The following BMPER variants were observed in gnomAD, a reference collection of about 807,000 sequenced individuals.
BMPER encodes the protein BMP binding endothelial regulator.
Under a neutral mutation model 87.3 loss-of-function variants are expected in BMPER, and 45 were observed. The ratio of observed to expected loss-of-function variants is 0.52; its 90% confidence interval spans 0.41 to 0.66. The LOEUF (loss-of-function observed/expected upper bound fraction) is 0.66. Ranked by LOEUF, BMPER falls within the 30% of genes least tolerant of loss-of-function variation. The pLI is 0.00. For synonymous variants in BMPER, 326 were observed against 316.2 expected (o/e 1.03, Z -0.33); for missense variants, 784 against 867.5 (o/e 0.90, Z 1.21).
chr7:34,152,295 T>C (rs1791196474), intron 14 of BMPER, among the ~76,000 whole-genome samples: 1 of 152,212 alleles, frequency 6.6e-6, no homozygotes, highest in South Asian at 2.1e-4. Flanking sequence ...TCTTGAGGAA[T>C]GAGGGGCGGC....
chr7:33,990,004 T>G (rs543105658), intron 6 of BMPER, among the ~76,000 whole-genome samples: 43 of 152,158 alleles, frequency 2.8e-4, no homozygotes, highest in African/African-American at 9.9e-4. Flanking sequence ...TACCATGCTG[T>G]TTTGGTTACT....
At chr7:33,989,741 G>C (rs1057051525) in intron 6 of BMPER, among the ~76,000 whole-genome samples, 37 of 152,088 alleles carry the variant, frequency 2.4e-4, no homozygotes, top group Non-Finnish European at 4.4e-4. Context: ...GGGTTTTTAT[G>C]GTTTTAGGTC....
intron 12 of BMPER, 102 bp downstream of exon 12, chr7:34,079,288 G>A: frequency 2.0e-6 from 3 of 1,487,316 alleles, no homozygotes; most frequent in Non-Finnish European, 1.8e-6. Flanking sequence ...TTCCTCCTCC[G>A]AGCAAAAACC....
chr7:34,133,729 C>T (rs553211101), intron 13 of BMPER, among the ~76,000 whole-genome samples: 1 of 152,202 alleles, frequency 6.6e-6, no homozygotes, highest in East Asian at 1.9e-4. Flanking sequence ...ACGCTAACTC[C>T]AGTAGATAGT....
chr7:34,013,419 G>A (rs763238705), intron 6 of BMPER, among the ~76,000 whole-genome samples: 1 of 150,828 alleles, frequency 6.6e-6, no homozygotes, highest in Admixed American at 6.7e-5. Context: ...CAGCGAAGGC[G>A]TCCTAACCAG....
intron 6 of BMPER, among the ~76,000 whole-genome samples, chr7:33,981,181 G>A (rs1422116152): frequency 6.6e-6 from 1 of 152,144 alleles, no homozygotes; most frequent in Non-Finnish European, 1.5e-5. Context: ...GACCTCACCT[G>A]TGAGCTCATT....
At chr7:34,042,840 G>T (rs1450436318) in intron 6 of BMPER, 2 of 152,202 alleles carry the variant, frequency 1.3e-5, no homozygotes, top group East Asian at 3.9e-4. Context: ...CTCCTTACAG[G>T]ATTGAGCCTT....
intron 14 of BMPER, among the ~76,000 whole-genome samples, chr7:34,149,263 T>C (rs186896203): frequency 1.3e-4 from 20 of 152,278 alleles, no homozygotes; most frequent in African/African-American, 4.8e-4. Flanking sequence ...ATAAATATTT[T>C]TTAAAGGCAT....
At chr7:33,997,322 A>G (rs1418722146) in intron 6 of BMPER, among the ~76,000 whole-genome samples, 2 of 152,070 alleles carry the variant, frequency 1.3e-5, no homozygotes, top group Admixed American at 6.6e-5. Flanking sequence ...CTGTGTCCCA[A>G]CTCAAATCTC....
intron 1 of BMPER, 21 bp downstream of exon 1, chr7:33,905,767 G>GGC: frequency 5.5e-6 from 5 of 914,080 alleles, no homozygotes; most frequent in Non-Finnish European, 8.3e-6. Context: ...GGGCGGGAGG[G>GGC]ACCGGCCCTC....
At chr7:33,944,640 G>T (rs1245401543) in intron 3 of BMPER, among the ~76,000 whole-genome samples, 1 of 151,860 alleles carries the variant, frequency 6.6e-6, no homozygotes, top group Non-Finnish European at 1.5e-5. Flanking sequence ...TTTTTTTCTT[G>T]GTTAGTCTCT....
At chr7:34,067,833 A>T (rs963061903) in intron 11 of BMPER, among the ~76,000 whole-genome samples, 3 of 152,208 alleles carry the variant, frequency 2.0e-5, no homozygotes, top group East Asian at 3.9e-4. Flanking sequence ...CTTCTGTTTT[A>T]TATGCTGTTC....
intron 6 of BMPER, among the ~76,000 whole-genome samples, chr7:33,978,135 T>A (rs1297127421): frequency 6.6e-6 from 1 of 152,052 alleles, no homozygotes; most frequent in African/African-American, 2.4e-5. Context: ...TGGCCAAGTG[T>A]CCTTATATAA....
intron 2 of BMPER, among the ~76,000 whole-genome samples, chr7:33,926,076 G>C (rs1562634135): frequency 6.6e-6 from 1 of 152,140 alleles, no homozygotes; most frequent in Non-Finnish European, 1.5e-5. Flanking sequence ...TTATGCTTTA[G>C]TCTCTCTCCC....
intron 13 of BMPER, among the ~76,000 whole-genome samples, chr7:34,140,581 T>C (rs1458243556): frequency 1.3e-5 from 2 of 152,204 alleles, no homozygotes; most frequent in Non-Finnish European, 2.9e-5. Flanking sequence ...GGGACCTGTC[T>C]GTGGGTGAGG....
chr7:34,096,982 C>T (rs1209386379), intron 13 of BMPER, among the ~76,000 whole-genome samples: 1 of 152,176 alleles, frequency 6.6e-6, no homozygotes, highest in Admixed American at 6.5e-5. Context: ...AGAAAGGAGT[C>T]CTCTAGCTCA....
intron 13 of BMPER, among the ~76,000 whole-genome samples, chr7:34,117,310 T>C (rs1224344962): frequency 6.6e-6 from 1 of 152,208 alleles, no homozygotes; most frequent in Non-Finnish European, 1.5e-5. Flanking sequence ...ATCACAGTCA[T>C]TTTTATAAGA....
chr7:33,913,562 A>AC (rs887796967), intron 2 of BMPER, among the ~76,000 whole-genome samples: 3 of 152,110 alleles, frequency 2.0e-5, no homozygotes, highest in African/African-American at 7.2e-5. Flanking sequence ...GTTGGGATAA[A>AC]CCAATGTTGC....
At chr7:33,980,139 C>G (rs1286628395) in intron 6 of BMPER, among the ~76,000 whole-genome samples, 1 of 152,198 alleles carries the variant, frequency 6.6e-6, no homozygotes, top group Non-Finnish European at 1.5e-5. Context: ...TCAGAAAATG[C>G]AGTGCTTTCT....
Sources: gnomAD v4.1 joint callset for allele counts (sites outside exome capture counted in the v4.1 genomes callset) on GRCh38, gnomAD v4.1.1 for gene constraint, MANE v1.5 for transcripts, NCBI Gene and HGNC (gene_info 2026-07-23, HGNC 2026-07-21) for gene names.